FAAH2: variants seen among roughly 807,000 people sequenced by gnomAD.
The protein encoded by FAAH2 is fatty acid amide hydrolase 2.
FAAH2 carries 60 observed loss-of-function variants against 36.9 expected under a neutral mutation model. The ratio of observed to expected loss-of-function variants is 1.63; its 90% CI spans 1.32 to 2.02. FAAH2 has a LOEUF of 2.02. Ranked by LOEUF, FAAH2 falls within the 30% of genes most tolerant of loss-of-function variation. The pLI is 0.00. For missense variants in FAAH2, 689 were observed against 397.5 expected, an observed-to-expected ratio of 1.73 and a Z score of -6.23; for synonymous variants, 214 against 143.8, an observed-to-expected ratio of 1.49 and a Z score of -3.49.
intron 10 of FAAH2, among the ~76,000 whole-genome samples, chrX:57,487,289 C>T (rs970855303): frequency 9.9e-6 from 1 of 100,575 alleles, no homozygotes; most frequent in Non-Finnish European, 2.1e-5. Flanking sequence ...TTAGAATTTG[C>T]CAAAATTAAA....
intron 5 of FAAH2, among the ~76,000 whole-genome samples, chrX:57,374,836 G>T (rs1390298092): frequency 3.6e-5 from 4 of 111,219 alleles, no homozygotes. Flanking sequence ...TATTATGTTG[G>T]CTGTGGGTTT....
chrX:57,348,250 C>T (rs1056036931), intron 5 of FAAH2, among the ~76,000 whole-genome samples: 4 of 110,391 alleles, frequency 3.6e-5, no homozygotes, highest in Non-Finnish European at 5.7e-5. Flanking sequence ...GGCCTAAACA[C>T]CCTGCAACTA....
At chrX:57,475,722 C>A (rs774844563) in intron 10 of FAAH2, among the ~76,000 whole-genome samples, 1 of 111,873 alleles carries the variant, frequency 8.9e-6, no homozygotes, top group African/African-American at 3.2e-5. Context: ...ATTTTTAATT[C>A]TGTGAAGAAA....
the FAAH2 span, among the ~76,000 whole-genome samples, chrX:57,147,853 T>C: frequency 8.9e-6 from 1 of 112,235 alleles, no homozygotes; most frequent in Non-Finnish European, 1.9e-5. Context: ...GATTTCCATG[T>C]ATTTTCATGG....
At chrX:57,377,465 G>A (rs2054713566) in intron 5 of FAAH2, among the ~76,000 whole-genome samples, 1 of 111,738 alleles carries the variant, frequency 8.9e-6, no homozygotes, top group Non-Finnish European at 1.9e-5. Flanking sequence ...TAGATGTGTG[G>A]CATTATATCT....
chrX:57,267,634 C>T, the FAAH2 span, among the ~76,000 whole-genome samples: 2 of 111,896 alleles, frequency 1.8e-5, no homozygotes, highest in African/African-American at 6.5e-5. Context: ...TGACACACCT[C>T]AGTTCCCCCA....
intron 10 of FAAH2, among the ~76,000 whole-genome samples, chrX:57,454,805 T>C (rs186455577): frequency 7.1e-5 from 8 of 111,968 alleles, no homozygotes; most frequent in Admixed American, 3.8e-4. Context: ...TATGGGATTA[T>C]GTAAAGATAC....
intron 4 of FAAH2, among the ~76,000 whole-genome samples, chrX:57,340,950 A>T (rs892848535): frequency 1.8e-5 from 2 of 110,504 alleles, no homozygotes; most frequent in African/African-American, 6.6e-5. Context: ...CCCAGAACTT[A>T]AAAGTTGATG....
At chrX:57,469,706 C>G (rs1459477727) in intron 10 of FAAH2, among the ~76,000 whole-genome samples, 1 of 111,422 alleles carries the variant, frequency 9.0e-6, no homozygotes, top group Admixed American at 9.6e-5. Context: ...AGAAAGTTAA[C>G]AAGGATATCC....
chrX:57,198,889 G>A, the FAAH2 span, among the ~76,000 whole-genome samples: 1 of 112,326 alleles, frequency 8.9e-6, no homozygotes, highest in African/African-American at 3.2e-5. Context: ...TCTCCAGTGA[G>A]AATTTGTATT....
chrX:57,471,920 G>A (rs765540364), intron 10 of FAAH2, among the ~76,000 whole-genome samples: 1 of 110,865 alleles, frequency 9.0e-6, no homozygotes, highest in African/African-American at 3.3e-5. Context: ...ACAGAACAGA[G>A]CACTCAGAAA....
upstream of FAAH2, among the ~76,000 whole-genome samples, chrX:57,283,239 C>T (rs1173461760): frequency 1.8e-5 from 2 of 111,485 alleles, no homozygotes; most frequent in South Asian, 7.6e-4. Context: ...ACTACCATTG[C>T]AGTGGCAGGG....
At chrX:57,469,123 G>A (rs565828627) in intron 10 of FAAH2, among the ~76,000 whole-genome samples, 1 of 111,783 alleles carries the variant, frequency 8.9e-6, no homozygotes, top group East Asian at 2.8e-4. Flanking sequence ...AGGAACAACT[G>A]GTAACAGCCA....
chrX:57,246,157 C>T, the FAAH2 span, among the ~76,000 whole-genome samples: 1 of 111,514 alleles, frequency 9.0e-6, no homozygotes, highest in African/African-American at 3.3e-5. Context: ...CACATAAACC[C>T]TACTAAGTCT....
chrX:57,394,237 C>T (rs371861450), intron 7 of FAAH2: 7 of 722,922 alleles, frequency 9.7e-6, no homozygotes, highest in East Asian at 9.5e-5. Flanking sequence ...TAAAAAAGTT[C>T]TGGTAAAGAT....
chrX:57,456,299 G>T (rs1285657671), intron 10 of FAAH2, among the ~76,000 whole-genome samples: 1 of 112,199 alleles, frequency 8.9e-6, no homozygotes, highest in African/African-American at 3.2e-5. Flanking sequence ...AGTTAAAGCA[G>T]TGGTAAGAGA....
chrX:57,397,105 G>T (rs991306515), intron 7 of FAAH2, among the ~76,000 whole-genome samples: 1 of 111,825 alleles, frequency 8.9e-6, no homozygotes, highest in Non-Finnish European at 1.9e-5. Flanking sequence ...GAGTAGCTCA[G>T]TTTTCTGTTC....
At chrX:57,375,045 T>G (rs909067117) in intron 5 of FAAH2, among the ~76,000 whole-genome samples, 1 of 111,104 alleles carries the variant, frequency 9.0e-6, no homozygotes, top group Non-Finnish European at 1.9e-5. Flanking sequence ...TTCTATTAAA[T>G]GATCCCTGCA....
chrX:57,167,460 G>A, the FAAH2 span, among the ~76,000 whole-genome samples: 7 of 111,499 alleles, frequency 6.3e-5, no homozygotes, highest in Non-Finnish European at 1.3e-4. Flanking sequence ...AATGATACCT[G>A]GCATTCACAG....
Sources: gnomAD v4.1 joint callset for allele counts (sites outside exome capture counted in the v4.1 genomes callset) on GRCh38, gnomAD v4.1.1 for gene constraint, MANE v1.5 for transcripts, NCBI Gene and HGNC (gene_info 2026-07-23, HGNC 2026-07-21) for gene names.